The following RGR variants were observed in gnomAD, a reference collection of about 807,000 sequenced individuals.
RGR encodes the protein RPE-retinal G protein-coupled receptor.
A neutral mutation model predicts 28.6 loss-of-function variants in RGR; 30 were observed. The observed-to-expected ratio is 1.05, with a 90% CI of 0.78 to 1.42. RGR has a LOEUF of 1.42. Among genes scored for constraint, RGR ranks in the 40% most tolerant of loss-of-function variants. RGR has a pLI of 0.00. For synonymous variants in RGR, 180 were observed against 156.4 expected, an observed-to-expected ratio of 1.15 and a Z score of -1.13; for missense variants, 404 against 375.6, an observed-to-expected ratio of 1.08 and a Z score of -0.62.
intron 1 of RGR, among the ~76,000 whole-genome samples, chr10:84,245,596 C>T (rs1273196920): frequency 6.6e-6 from 1 of 152,184 alleles, no homozygotes; most frequent in Admixed American, 6.5e-5. Context: ...GTGGCTGGAA[C>T]CAAGTCCCTT....
chr10:84,247,559 G>C, intron 1 of RGR, 32 bp from the exon 2 acceptor site: 1 of 1,613,744 alleles, frequency 6.2e-7, no homozygotes, highest in Non-Finnish European at 8.5e-7. Flanking sequence ...GGCCTCAGCA[G>C]CCCCAATGCC....
At chr10:84,248,393 G>C (rs1217597255) in intron 2 of RGR, 1 of 237,490 alleles carries the variant, frequency 4.2e-6, no homozygotes, top group Non-Finnish European at 8.0e-6. Flanking sequence ...TCTCATTCTG[G>C]TTTTGGACAC....
Position 84,247,625 on chromosome 10 carries a change from C to A in RGR, c.114C>A (p.Ile38=). The A allele has an allele frequency of 1.9e-6, 3 of 1,614,206 alleles. No homozygotes were observed. The highest frequency in any genetic ancestry group is 1.7e-6 in the Non-Finnish European group (2 of 1,180,034). ...GTCTCAGCCTCAATACCCTGACCATCTTCTCTTTCTGCAAGACCCCGGAGC... is the reference window on the plus strand; with the variant it reads ...GTCTCAGCCTCAATACCCTGACCATATTCTCTTTCTGCAAGACCCCGGAGC... ...LSGLSLNTLT[I]FSFCKTPELR... Residue 38 remains isoleucine (I), a synonymous_variant, in exon 2 of 7, where the codon ATC becomes ATA. Transcript: ENST00000652092.
intron 5 of RGR, chr10:84,255,145 G>A (rs1246560383): frequency 1.9e-5 from 3 of 156,244 alleles, no homozygotes. Context: ...AGGGACACCA[G>A]GGAATATGAA....
In RGR at chr10:84,245,057, A is replaced by G. The variant is rs749239633; in HGVS notation, c.-34A>G. 6 of 1,607,138 alleles carry G rather than the reference A, an allele frequency of 3.7e-6. No homozygotes were observed. The highest frequency in any genetic ancestry group is 5.1e-6 in the Non-Finnish European group (6 of 1,174,272). The stretch of plus-strand genomic sequence containing the variant: ...AGGGCCTGGCTGTGGGAAGCCAGAG[A>G]CAGCTGGGCCACTGGCAGTGAGGGA... On this transcript the variant is annotated 5_prime_UTR_variant, in exon 1 of 7. Transcript: ENST00000652092.
rs142050467 is a variant in RGR, at chr10:84,249,022, C to A, written c.337C>A (p.Arg113Ser). The A allele has an allele frequency of 9.9e-6, 16 of 1,613,894 alleles. No individual in the cohort carries two copies. In the African/African-American group the frequency reaches 1.7e-4, roughly 18 times the overall value. The part of the protein sequence containing the change: ...ICSSAAIAWG[R>S]YHHYCTRSQL... ...CAGCAGTGCAGCCATCGCATGGGGG[C>A]GTTATCACCACTACTGCACCCGTAT... Residue 113 changes from arginine (R) to serine (S), a missense_variant, in exon 3 of 7, where the codon CGT (arginine) becomes AGT (serine). Coordinates refer to ENST00000652092, the MANE Select transcript of RGR (RefSeq NM_001012720.2).
At chr10:84,256,526 C>T (rs778721339) in intron 5 of RGR, among the ~76,000 whole-genome samples, 2 of 152,176 alleles carry the variant, frequency 1.3e-5, no homozygotes, top group Non-Finnish European at 2.9e-5. Flanking sequence ...TAAGTCACTT[C>T]ATCTGCCACT....
In RGR at chr10:84,253,004, G is replaced by C; in HGVS notation, c.506G>C (p.Gly169Ala). ...GTCCTLDYSKGDRNFTSFLFT... is the reference protein window; with the variant it reads ...GTCCTLDYSKADRNFTSFLFT... ...TGCTGCACCCTGGACTACTCCAAGG[G>C]GGACAGGTGAGGTGGGAGGAGCAGC... The change falls in exon 4 of 7, where the codon GGG becomes GCG. Residue 169 changes from glycine to alanine, a missense_variant. By Grantham distance (60) the Gly-to-Ala change is moderately conservative. Transcript: ENST00000652092. 6.2e-7 allele frequency: 1 copy of C among 1,613,456 alleles called. No homozygotes were observed. Among genetic ancestry groups the C allele is most frequent in the Non-Finnish European group, 8.5e-7 (1 of 1,180,008 alleles).
At chr10:84,250,155 C>G (rs1429470076) in intron 3 of RGR, among the ~76,000 whole-genome samples, 1 of 152,152 alleles carries the variant, frequency 6.6e-6, no homozygotes, top group Non-Finnish European at 1.5e-5. Context: ...GCTTGCCTCG[C>G]TACTAAGGGC....
chr10:84,245,495 A>G (rs1842736738), intron 1 of RGR, among the ~76,000 whole-genome samples: 1 of 152,056 alleles, frequency 6.6e-6, no homozygotes, highest in Non-Finnish European at 1.5e-5. Flanking sequence ...AGAAAATTTA[A>G]TCCACTCCTT....
At chr10:84,250,066 G>T (rs1842796349) in intron 3 of RGR, among the ~76,000 whole-genome samples, 1 of 152,098 alleles carries the variant, frequency 6.6e-6, no homozygotes, top group South Asian at 2.1e-4. Flanking sequence ...ACATGTTTTG[G>T]GGAGCTGTGG....
intron 2 of RGR, chr10:84,248,460 G>A (rs999254115): frequency 1.1e-5 from 3 of 274,872 alleles, no homozygotes; most frequent in African/African-American, 4.4e-5. Context: ...ACCAGCCTGG[G>A]GGGTCTGCAT....
At chr10:84,247,783 T>C (rs1842766368) in intron 2 of RGR, 36 bp downstream of exon 2, 1 of 1,613,542 alleles carries the variant, frequency 6.2e-7, no homozygotes, top group East Asian at 2.2e-5. Context: ...GGCTCTGGGG[T>C]CCTGCCTGGG....
intron 5 of RGR, among the ~76,000 whole-genome samples, chr10:84,257,096 C>G (rs1589336764): frequency 1.3e-5 from 2 of 152,218 alleles, no homozygotes; most frequent in African/African-American, 4.8e-5. Context: ...CTTAATCACC[C>G]TCTTTGTTAA....
At chr10:84,247,405 G>C (rs1230077801) in intron 1 of RGR, among the ~76,000 whole-genome samples, 186 bp from the exon 2 acceptor site, 1 of 152,144 alleles carries the variant, frequency 6.6e-6, no homozygotes, top group Non-Finnish European at 1.5e-5. Flanking sequence ...CTGGTGCCTG[G>C]TGTGTGCTAA....
chr10:84,256,766 G>A (rs1259502533), intron 5 of RGR, among the ~76,000 whole-genome samples: 1 of 152,144 alleles, frequency 6.6e-6, no homozygotes, highest in African/African-American at 2.4e-5. Flanking sequence ...GGCTCAGGCA[G>A]CCGGGAGACA....
At chr10:84,250,421 G>A in intron 3 of RGR, 1 of 717,140 alleles carries the variant, frequency 1.4e-6, no homozygotes, top group East Asian at 2.7e-5. Flanking sequence ...ATTTTGAGTG[G>A]CGATAGGTTA....
intron 3 of RGR, among the ~76,000 whole-genome samples, chr10:84,251,995 A>G (rs2132882909): frequency 6.6e-6 from 1 of 152,306 alleles, no homozygotes; most frequent in Non-Finnish European, 1.5e-5. Context: ...CTGCCCTGGT[A>G]TCTTATATAC....
At chr10:84,250,297 C>T (rs1230518561) in intron 3 of RGR, 1 of 710,738 alleles carries the variant, frequency 1.4e-6, no homozygotes. Context: ...ATCCACAGAA[C>T]TTCCCTTGCC....
Sources: allele counts gnomAD v4.1 joint callset (sites outside exome capture counted in the v4.1 genomes callset), GRCh38; gene constraint gnomAD v4.1.1; transcripts MANE v1.5; gene names NCBI Gene and HGNC (gene_info 2026-07-23, HGNC 2026-07-21).